USH2A: variants seen among roughly 807,000 people sequenced by gnomAD.
The protein encoded by USH2A is usherin, also known as Usher syndrome 2A (autosomal recessive, mild).
In USH2A, 443 loss-of-function variants were observed where a neutral mutation model predicts 538.9. The observed-to-expected ratio is 0.82, with a 90% confidence interval of 0.76 to 0.89. The LOEUF (loss-of-function observed/expected upper bound fraction) is 0.89, where lower values mean the gene tolerates loss of function less well. Ranked by LOEUF, USH2A falls within the 40% of genes least tolerant of loss-of-function variation. USH2A has a pLI of 0.00. For synonymous variants in USH2A, 2,413 were observed against 2,273.5 expected, an observed-to-expected ratio of 1.06 and a Z score of -1.75; for missense variants, 6,633 against 6,324.8, an observed-to-expected ratio of 1.05 and a Z score of -1.65.
chr1:216,176,836 T>C (rs1002141908), intron 20 of USH2A, among the ~76,000 whole-genome samples: 1 of 152,182 alleles, frequency 6.6e-6, no homozygotes, highest in Non-Finnish European at 1.5e-5. Flanking sequence ...CTGAGTAATA[T>C]GCATTTAAGT....
intron 26 of USH2A, chr1:216,079,078 A>C (rs1451240601): frequency 2.0e-5 from 3 of 152,182 alleles, no homozygotes; most frequent in Admixed American, 2.0e-4. Context: ...GTTAGAAACC[A>C]TATCAGTAAC....
chr1:216,376,616 T>C (rs1216117390), intron 3 of USH2A, among the ~76,000 whole-genome samples: 1 of 152,178 alleles, frequency 6.6e-6, no homozygotes, highest in Non-Finnish European at 1.5e-5. Flanking sequence ...TTACATATCA[T>C]TAGGTCAGAT....
At chr1:216,352,980 G>T (rs2102692840) in intron 4 of USH2A, among the ~76,000 whole-genome samples, 1 of 152,182 alleles carries the variant, frequency 6.6e-6, no homozygotes, top group East Asian at 1.9e-4. Flanking sequence ...AGGAAACATA[G>T]GAAGTTCATG....
chr1:216,083,487 A>G lies in USH2A; in HGVS notation c.5267T>C (p.Val1756Ala), dbSNP rs368520422. The change falls in exon 26 of 72, where the codon GTT becomes GCT. Residue 1756 changes from valine (V) to alanine (A), a missense_variant. Coordinates refer to ENST00000307340, the MANE Select transcript of USH2A (RefSeq NM_206933.4). ...AAAATCAGGTCCATCTTTGTTATAA[A>G]CGAAAAGAAGCAATCCATTTAATTG... is the stretch of plus-strand genomic sequence containing the variant. ...TDQLNGLLLF[V>A]YNKDGPDFLA... 2 of 1,612,238 alleles carry G rather than the reference A, an allele frequency of 1.2e-6. No homozygotes were observed. The highest frequency in any genetic ancestry group is 1.7e-6 in the Non-Finnish European group (2 of 1,179,170).
In USH2A at chr1:215,747,874, G is replaced by T. The variant is rs6675539; in HGVS notation, c.11390-4539C>A. 4.4e-3 allele frequency among the ~76,000 whole-genome samples: 557 copies of T among 126,242 alleles called. 1 individual carries two copies. Among genetic ancestry groups the T allele is most frequent in the Middle Eastern group, 0.011 (3 of 266 alleles). The allele number at this position is 126,242 out of a possible 152,430, so 82.8% of individuals were successfully genotyped here. On this transcript the variant is annotated intron_variant, in intron 58 of 71. Transcript: ENST00000307340. ...AGCCACAGGTTTTTTGTTTTTTTTTGTTTGTTTGTTTGTTTGGTTTTTTTT... is the reference window on the plus strand; with the variant it reads ...AGCCACAGGTTTTTTGTTTTTTTTTTTTTGTTTGTTTGTTTGGTTTTTTTT...
chr1:215,800,044 T>A (rs1000003377), intron 49 of USH2A, among the ~76,000 whole-genome samples: 1 of 152,068 alleles, frequency 6.6e-6, no homozygotes, highest in Non-Finnish European at 1.5e-5. Flanking sequence ...CCTGGTACCT[T>A]AAAATCAAAG....
rs1228246652 is a variant in USH2A, at chr1:215,629,010, C to A, written c.15323G>T (p.Arg5108Leu). ...GCGGATACTCACAGGTGTCCCAGAC[C>A]GGGGAATTTTGGTATCGGCTAACCC... is the stretch of plus-strand genomic sequence containing the variant. ...HMGLADTKIPRSGTPVSIRSN... is the reference protein window; with the variant it reads ...HMGLADTKIPLSGTPVSIRSN... The change falls in exon 71 of 72, where the codon CGG becomes CTG. Residue 5108 changes from arginine to leucine, a missense_variant. Physicochemically the swap from Arg to Leu is moderately radical, Grantham distance 102. Coordinates refer to ENST00000307340, the MANE Select transcript of USH2A (RefSeq NM_206933.4). 1.2e-6 allele frequency: 2 copies of A among 1,613,318 alleles called. No individual in the cohort carries two copies. Among genetic ancestry groups the A allele is most frequent in the Admixed American group, 1.7e-5 (1 of 60,026 alleles).
intron 47 of USH2A, among the ~76,000 whole-genome samples, chr1:215,818,352 T>C (rs1172987958): frequency 1.3e-5 from 2 of 151,872 alleles, no homozygotes; most frequent in Non-Finnish European, 1.5e-5. Flanking sequence ...TTATAGTCAC[T>C]AACTTATTTA....
chr1:215,849,663 C>T (rs1663966168), intron 44 of USH2A, among the ~76,000 whole-genome samples: 1 of 151,954 alleles, frequency 6.6e-6, no homozygotes, highest in Admixed American at 6.6e-5. Context: ...CACAATATAT[C>T]CAAACATAGA....
chr1:215,920,817 G>T (rs956692644), intron 38 of USH2A, among the ~76,000 whole-genome samples: 5 of 152,030 alleles, frequency 3.3e-5, no homozygotes, highest in African/African-American at 1.2e-4. Context: ...CTGTGATCAT[G>T]CCCTCAACTT....
chr1:216,341,575 A>T (rs145620821), intron 4 of USH2A, among the ~76,000 whole-genome samples: 59 of 152,316 alleles, frequency 3.9e-4, no homozygotes, highest in African/African-American at 1.4e-3. Context: ...TGGAGGCATC[A>T]TGCTACCTGT....
chr1:215,691,180 C>G (rs1015500867), intron 61 of USH2A, among the ~76,000 whole-genome samples: 1 of 151,080 alleles, frequency 6.6e-6, no homozygotes, highest in Non-Finnish European at 1.5e-5. Context: ...CCGTGCCCAG[C>G]CAGTTAGCCT....
chr1:215,844,004 C>T (rs1162051112), intron 46 of USH2A, among the ~76,000 whole-genome samples: 2 of 152,118 alleles, frequency 1.3e-5, no homozygotes, highest in East Asian at 3.9e-4. Flanking sequence ...AGGTAAGCTG[C>T]TCAACAAGAT....
At chr1:216,134,839 C>T (rs113861660) in intron 21 of USH2A, among the ~76,000 whole-genome samples, 2 of 152,058 alleles carry the variant, frequency 1.3e-5, no homozygotes, top group Non-Finnish European at 2.9e-5. Flanking sequence ...TGAAATAAGG[C>T]TGTCAAGAAT....
intron 21 of USH2A, among the ~76,000 whole-genome samples, chr1:216,130,852 A>C (rs141917294): frequency 8.7e-4 from 132 of 151,758 alleles, no homozygotes; most frequent in Middle Eastern, 3.4e-3. Flanking sequence ...CCTGGATCTA[A>C]TGGTAGTTTT....
At chr1:215,977,115 A>G (rs975301466) in intron 35 of USH2A, among the ~76,000 whole-genome samples, 15 of 152,140 alleles carry the variant, frequency 9.9e-5, no homozygotes, top group African/African-American at 2.7e-4. Context: ...TAGAAAATAC[A>G]GAGAAAATTC....
intron 22 of USH2A, among the ~76,000 whole-genome samples, chr1:216,095,390 C>A (rs2032417058): frequency 1.3e-5 from 2 of 152,150 alleles, no homozygotes; most frequent in Non-Finnish European, 2.9e-5. Context: ...ATAATATCTT[C>A]CATTATGTAA....
In USH2A at chr1:215,866,683, C is replaced by T. The variant is rs183263111; in HGVS notation, c.8845+324G>A. Among the ~76,000 whole-genome samples the T allele has an allele frequency of 5.8e-4, 89 of 152,286 alleles. 1 individual carries two copies. Among genetic ancestry groups the T allele is most frequent in the African/African-American group, 1.7e-3 (71 of 41,570 alleles). On this transcript the variant is annotated intron_variant, in intron 44 of 71. Coordinates refer to ENST00000307340, the MANE Select transcript of USH2A (RefSeq NM_206933.4). ...CAATTGCCTGGTATGATAGAAATTA[C>T]GTTGTTCATGCAAAGGAAATGACAG...
intron 58 of USH2A, 25 bp from the exon 59 acceptor site, chr1:215,743,360 A>AGAG: frequency 2.6e-5 from 33 of 1,260,172 alleles, no homozygotes; most frequent in Non-Finnish European, 3.1e-5. Context: ...AGAGAGAGAG[A>AGAG]ACATTAAAAA....
Sources: allele counts gnomAD v4.1 joint callset (sites outside exome capture counted in the v4.1 genomes callset), GRCh38; gene constraint gnomAD v4.1.1; transcripts MANE v1.5; gene names NCBI Gene and HGNC (gene_info 2026-07-23, HGNC 2026-07-21).